Variants in XPNPEP1 observed in about 807,000 individuals in gnomAD.
The protein encoded by XPNPEP1 is X-prolyl aminopeptidase 1.
XPNPEP1 carries 39 observed loss-of-function variants against 92.4 expected under a neutral mutation model. The ratio of observed to expected loss-of-function variants is 0.42; its 90% CI spans 0.33 to 0.55. XPNPEP1 has a LOEUF of 0.55. XPNPEP1 is among the 20% of genes least tolerant of loss of function. The probability of loss-of-function intolerance (pLI) is 0.08; values close to 1 mark genes in which losing one functional copy is unlikely to be tolerated. For synonymous variants in XPNPEP1, 307 were observed against 299.4 expected (o/e 1.03, Z -0.26); for missense variants, 654 against 856.1 (o/e 0.76, Z 2.95).
intron 7 of XPNPEP1, among the ~76,000 whole-genome samples, chr10:109,887,515 A>G (rs1848457796): frequency 6.6e-6 from 1 of 152,066 alleles, no homozygotes; most frequent in Non-Finnish European, 1.5e-5. Flanking sequence ...CCCCACCTCC[A>G]GGCCTCTCTC....
At chr10:109,912,738 C>A (rs1267282930) in intron 2 of XPNPEP1, among the ~76,000 whole-genome samples, 1 of 152,182 alleles carries the variant, frequency 6.6e-6, no homozygotes, top group African/African-American at 2.4e-5. Flanking sequence ...GTTAGACACA[C>A]AACTAACCAT....
chr10:109,894,794 C>T (rs1362569882), intron 3 of XPNPEP1, among the ~76,000 whole-genome samples: 1 of 152,218 alleles, frequency 6.6e-6, no homozygotes, highest in African/African-American at 2.4e-5. Flanking sequence ...CTAAATGCAA[C>T]AGCAAGCACG....
chr10:109,873,030 T>A (rs2133365526), intron 16 of XPNPEP1, among the ~76,000 whole-genome samples: 1 of 152,266 alleles, frequency 6.6e-6, no homozygotes, highest in Non-Finnish European at 1.5e-5. Flanking sequence ...GCCTTCAAAA[T>A]CAAATCTAGG....
intron 1 of XPNPEP1, chr10:109,923,059 G>T: frequency 4.3e-6 from 3 of 703,090 alleles, no homozygotes; most frequent in Non-Finnish European, 5.2e-6. Context: ...ACGAAGAGGG[G>T]CCAACTTCCT....
chr10:109,904,411 G>C (rs1849445387), intron 3 of XPNPEP1, among the ~76,000 whole-genome samples: 1 of 151,952 alleles, frequency 6.6e-6, no homozygotes, highest in South Asian at 2.1e-4. Context: ...ATCATCGGAT[G>C]AAAAGTACTA....
At chr10:109,890,627 AG>A (rs1395519879) in intron 5 of XPNPEP1, among the ~76,000 whole-genome samples, 48 of 110,446 alleles carry the variant, frequency 4.3e-4, no homozygotes, top group African/African-American at 1.6e-3. Flanking sequence ...AGAGAGAGAA[AG>A]GGAAAGAGAA....
intron 8 of XPNPEP1, 37 bp from the exon 9 acceptor site, chr10:109,884,185 C>T (rs1848262422): frequency 1.9e-6 from 3 of 1,605,004 alleles, no homozygotes; most frequent in Non-Finnish European, 8.5e-7. Flanking sequence ...ACCTGTCTGA[C>T]TTAAGATGTT....
intron 14 of XPNPEP1, chr10:109,877,040 T>C (rs895982308): frequency 2.0e-5 from 3 of 152,152 alleles, no homozygotes; most frequent in South Asian, 4.1e-4. Flanking sequence ...ACTGATTATC[T>C]CTCCACCCAA....
chr10:109,908,445 AT>A (rs1267749874), intron 2 of XPNPEP1, among the ~76,000 whole-genome samples: 1 of 152,142 alleles, frequency 6.6e-6, no homozygotes, highest in East Asian at 1.9e-4. Context: ...TCTACAAAAT[AT>A]AAAAAATCAG....
chr10:109,883,981 G>A, intron 9 of XPNPEP1, 86 bp downstream of exon 9: 2 of 1,201,228 alleles, frequency 1.7e-6, no homozygotes, highest in Non-Finnish European at 2.4e-6. Flanking sequence ...ATATCAGGCA[G>A]TGATGGGTGG....
intron 14 of XPNPEP1, 104 bp downstream of exon 14, chr10:109,877,686 T>A: frequency 7.5e-7 from 1 of 1,327,556 alleles, no homozygotes; most frequent in Non-Finnish European, 1.1e-6. Context: ...AACAGACAGA[T>A]GAAGGTGGGC....
chr10:109,900,119 C>T (rs1217065950), intron 3 of XPNPEP1, among the ~76,000 whole-genome samples: 1 of 152,200 alleles, frequency 6.6e-6, no homozygotes, highest in Non-Finnish European at 1.5e-5. Flanking sequence ...AGTGCCAAGT[C>T]CTTGCGTAAT....
rs1322063193 is a variant in XPNPEP1 at position 109,882,657 on chromosome 10, G to A, written c.831-15C>T. 4.3e-6 allele frequency: 7 copies of A among 1,613,480 alleles called. No homozygotes were observed. Among genetic ancestry groups the A allele is most frequent in the Admixed American group, 1.7e-5 (1 of 59,998 alleles). ...CAATGAAGAGCCTGCAGATGGAGGAGAGGTGGGTGGCAGAAAAAGGAGGGA... is the reference window on the plus strand; with the variant it reads ...CAATGAAGAGCCTGCAGATGGAGGAAAGGTGGGTGGCAGAAAAAGGAGGGA... On this transcript the variant is annotated splice_polypyrimidine_tract_variant and intron_variant, in intron 9 of 20. Coordinates refer to ENST00000502935, the MANE Select transcript of XPNPEP1 (RefSeq NM_020383.4).
intron 15 of XPNPEP1, chr10:109,873,707 A>T: frequency 2.2e-6 from 1 of 444,968 alleles, no homozygotes; most frequent in South Asian, 3.1e-5. Flanking sequence ...TATTCATAAT[A>T]GCCAGAAGAT....
At chr10:109,871,949 T>A (rs1847508321) in intron 16 of XPNPEP1, 88 bp from the exon 17 acceptor site, 2 of 1,343,336 alleles carry the variant, frequency 1.5e-6, no homozygotes, top group Admixed American at 2.3e-5. Context: ...TCCTGCCTGC[T>A]AAAGTTTTTA....
Position 109,870,041 on chromosome 10 carries a change from C to T in XPNPEP1, c.1697-12G>A. 6.2e-7 allele frequency: 1 copy of T among 1,613,550 alleles called. No homozygotes were observed. Among genetic ancestry groups the T allele is most frequent in the Non-Finnish European group, 8.5e-7 (1 of 1,179,782 alleles). ...ATAGTACCCGGGCTCTAAAACAAAC[C>T]AAATCCCAAAAATGAGAAGCAGCCC... On this transcript the variant is annotated splice_polypyrimidine_tract_variant and intron_variant, in intron 18 of 20. Transcript: ENST00000502935.
Position 109,903,345 on chromosome 10 carries a change from A to C in XPNPEP1, c.246+4346T>G, listed in dbSNP as rs116956866. ...ATTAGGAGTCTTCAGCTGAGGCTCC[A>C]TGACGACCTGTGAGAACCCTTTCGG... On this transcript the variant is annotated intron_variant, in intron 3 of 20. Coordinates refer to ENST00000502935, the MANE Select transcript of XPNPEP1 (RefSeq NM_020383.4). 4.9e-3 allele frequency among the ~76,000 whole-genome samples: 753 copies of C among 152,342 alleles called. 5 individuals carry two copies. The highest frequency in any genetic ancestry group is 9.1e-3 in the Non-Finnish European group (621 of 68,034).
chr10:109,915,840 T>C (rs1850157542), intron 1 of XPNPEP1, among the ~76,000 whole-genome samples: 1 of 152,074 alleles, frequency 6.6e-6, no homozygotes, highest in Non-Finnish European at 1.5e-5. Context: ...CTCAGGTTAC[T>C]AGCATACCAC....
chr10:109,866,535 A>G (rs1042587887), intron 20 of XPNPEP1, among the ~76,000 whole-genome samples: 1 of 152,242 alleles, frequency 6.6e-6, no homozygotes, highest in Non-Finnish European at 1.5e-5. Flanking sequence ...CTGGGGCCAC[A>G]GCCAAACGCC....
Sources: allele counts gnomAD v4.1 joint callset (sites outside exome capture counted in the v4.1 genomes callset), GRCh38; gene constraint gnomAD v4.1.1; transcripts MANE v1.5; gene names NCBI Gene and HGNC (gene_info 2026-07-23, HGNC 2026-07-21).